CECR2: variants seen among roughly 807,000 people sequenced by gnomAD.
CECR2 encodes the protein chromatin remodeling regulator CECR2.
Under a neutral mutation model 154.5 loss-of-function variants are expected in CECR2, and 30 were observed. The observed-to-expected ratio is 0.19, with a 90% CI of 0.15 to 0.26. The LOEUF (loss-of-function observed/expected upper bound fraction) is 0.26. CECR2 is among the 10% of genes least tolerant of loss of function. CECR2 has a pLI of 1.00. For missense variants in CECR2, 1,743 were observed against 1,829.3 expected, an observed-to-expected ratio of 0.95 and a Z score of 0.86; for synonymous variants, 725 against 683.7, an observed-to-expected ratio of 1.06 and a Z score of -0.94.
intron 1 of CECR2, among the ~76,000 whole-genome samples, chr22:17,459,432 C>T (rs1341369706): frequency 6.6e-6 from 1 of 152,078 alleles, no homozygotes; most frequent in Non-Finnish European, 1.5e-5. Context: ...GCTGGGACTA[C>T]GGTTGAGCGC....
At chr22:17,459,419 G>A (rs2054902839) in intron 1 of CECR2, among the ~76,000 whole-genome samples, 1 of 152,046 alleles carries the variant, frequency 6.6e-6, no homozygotes, top group African/African-American at 2.4e-5. Flanking sequence ...AGCCACCCGA[G>A]TAGCTGGGAC....
rs531806511 is a variant in CECR2 at position 17,490,596 on chromosome 22, G to A, written c.222-6807G>A. Among the ~76,000 whole-genome samples the A allele has an allele frequency of 4.7e-4, 72 of 151,740 alleles. 1 individual carries two copies. The Middle Eastern group carries it at 0.01, about 22-fold the overall frequency. ...ATTACAGGTGCATGCCACCACGCCC[G>A]GCTAATTTTTTTTTTATTTTTATTT... On this transcript the variant is annotated intron_variant, in intron 2 of 18. Coordinates refer to ENST00000262608, the MANE Select transcript of CECR2 (RefSeq NM_001290047.2).
chr22:17,454,449 C>CA (rs1295873200), intron 1 of CECR2, among the ~76,000 whole-genome samples: 7 of 149,592 alleles, frequency 4.7e-5, no homozygotes, highest in Non-Finnish European at 1.5e-5. Context: ...ACCAAAAATA[C>CA]AAAAAATTAG....
intron 7 of CECR2, among the ~76,000 whole-genome samples, 158 bp downstream of exon 7, chr22:17,505,174 C>T (rs1386312429): frequency 6.6e-6 from 1 of 152,002 alleles, no homozygotes; most frequent in Non-Finnish European, 1.5e-5. Context: ...GACCTCATGC[C>T]ACCCCCTCTC....
chr22:17,420,794 G>A (rs5992689), intron 1 of CECR2, among the ~76,000 whole-genome samples: 32,518 of 151,906 alleles, frequency 0.21, 4,855 homozygotes, highest in African/African-American at 0.43. Context: ...ATGTTTATCC[G>A]TATGCATTTA....
intron 7 of CECR2, among the ~76,000 whole-genome samples, chr22:17,510,692 G>C (rs1050520990): frequency 2.6e-5 from 4 of 152,134 alleles, no homozygotes; most frequent in Admixed American, 6.5e-5. Context: ...AGCTCCGCCT[G>C]CCAGGTTCAA....
chr22:17,517,169 G>C (rs763006401), intron 8 of CECR2, among the ~76,000 whole-genome samples: 1 of 152,224 alleles, frequency 6.6e-6, no homozygotes, highest in African/African-American at 2.4e-5. Context: ...GAGCCACCGC[G>C]CCTGGCCAAG....
At chr22:17,432,520 G>A (rs1419264568) in intron 1 of CECR2, among the ~76,000 whole-genome samples, 1 of 152,172 alleles carries the variant, frequency 6.6e-6, no homozygotes, top group African/African-American at 2.4e-5. Flanking sequence ...TATGATTACT[G>A]TGTTTAACCT....
At chr22:17,474,055 G>T (rs962745279) in intron 1 of CECR2, among the ~76,000 whole-genome samples, 1 of 152,104 alleles carries the variant, frequency 6.6e-6, no homozygotes, top group Non-Finnish European at 1.5e-5. Context: ...TACTAACTGG[G>T]GGGGGTTTAT....
intron 4 of CECR2, among the ~76,000 whole-genome samples, chr22:17,500,223 A>G (rs1358287006): frequency 6.6e-6 from 1 of 151,864 alleles, no homozygotes; most frequent in East Asian, 1.9e-4. Flanking sequence ...AAAAAAAAAA[A>G]AAAAGAATTT....
chr22:17,509,329 A>G (rs1395716333), intron 7 of CECR2, among the ~76,000 whole-genome samples: 1 of 152,166 alleles, frequency 6.6e-6, no homozygotes, highest in Non-Finnish European at 1.5e-5. Context: ...TGGAAGAGTC[A>G]GGAGCTTTTC....
At chr22:17,536,495 A>G (rs1208677161) in intron 9 of CECR2, among the ~76,000 whole-genome samples, 1 of 152,202 alleles carries the variant, frequency 6.6e-6, no homozygotes, top group East Asian at 1.9e-4. Context: ...GCTCCTTGCC[A>G]ATCCCAGCTG....
chr22:17,520,003 A>G (rs2056129068), intron 8 of CECR2, among the ~76,000 whole-genome samples: 1 of 152,012 alleles, frequency 6.6e-6, no homozygotes, highest in African/African-American at 2.4e-5. Flanking sequence ...GTTTACCAGG[A>G]TGGTCTCAAT....
chr22:17,510,212 G>C (rs2055918568), intron 7 of CECR2, among the ~76,000 whole-genome samples: 1 of 152,172 alleles, frequency 6.6e-6, no homozygotes, highest in Non-Finnish European at 1.5e-5. Flanking sequence ...GGGTTGAAGT[G>C]AAGCTGGCAT....
At chr22:17,513,186 GA>G (rs1052594203) in intron 8 of CECR2, among the ~76,000 whole-genome samples, 3 of 151,822 alleles carry the variant, frequency 2.0e-5, no homozygotes, top group East Asian at 1.9e-4. Flanking sequence ...CCCCACCTCT[GA>G]AAAAAAATAG....
chr22:17,551,661 C>T (rs1028467641), intron 17 of CECR2, among the ~76,000 whole-genome samples: 3 of 152,038 alleles, frequency 2.0e-5, no homozygotes, highest in African/African-American at 7.2e-5. Context: ...AAATAAAGAA[C>T]TTAGCCAGGC....
chr22:17,448,783 C>T (rs1786368959), intron 1 of CECR2, among the ~76,000 whole-genome samples: 1 of 152,208 alleles, frequency 6.6e-6, no homozygotes, highest in South Asian at 2.1e-4. Flanking sequence ...GTGGATCCTT[C>T]CCTCCATCCT....
At chr22:17,421,923 TG>T (rs1207440669) in intron 1 of CECR2, among the ~76,000 whole-genome samples, 1 of 151,670 alleles carries the variant, frequency 6.6e-6, no homozygotes, top group Non-Finnish European at 1.5e-5. Flanking sequence ...TCTCCTCAAT[TG>T]TTGTTGCAGA....
At chr22:17,544,169 C>T (rs933568956) in intron 16 of CECR2, among the ~76,000 whole-genome samples, 1 of 152,092 alleles carries the variant, frequency 6.6e-6, no homozygotes, top group Non-Finnish European at 1.5e-5. Context: ...AGTTCGAGAC[C>T]AGCCTGGGCA....
Sources: gnomAD v4.1 joint callset for allele counts (sites outside exome capture counted in the v4.1 genomes callset) on GRCh38, gnomAD v4.1.1 for gene constraint, MANE v1.5 for transcripts, NCBI Gene and HGNC (gene_info 2026-07-23, HGNC 2026-07-21) for gene names.